CYP27A1: variants seen among roughly 807,000 people sequenced by gnomAD.
CYP27A1 encodes sterol 26-hydroxylase, mitochondrial.
In CYP27A1, 46 loss-of-function variants were observed where a neutral mutation model predicts 58.2. That is an observed-to-expected ratio of 0.79 (90% CI 0.62 to 1.01). CYP27A1 has a LOEUF of 1.01. Ranked by LOEUF, CYP27A1 falls within the 50% of genes least tolerant of loss-of-function variation. The probability of loss-of-function intolerance (pLI) is 0.00; values close to 1 mark genes in which losing one functional copy is unlikely to be tolerated. For missense variants in CYP27A1, 704 were observed against 687.0 expected, an observed-to-expected ratio of 1.02 and a Z score of -0.28; for synonymous variants, 274 against 285.1, an observed-to-expected ratio of 0.96 and a Z score of 0.39.
intron 1 of CYP27A1, among the ~76,000 whole-genome samples, chr2:218,795,604 C>A (rs1288081962): frequency 6.6e-6 from 1 of 152,112 alleles, no homozygotes; most frequent in Admixed American, 6.5e-5. Flanking sequence ...GAATATTGAC[C>A]CAGATTTTTA....
At chr2:218,808,853 T>C (rs374208558) in intron 1 of CYP27A1, among the ~76,000 whole-genome samples, 5 of 152,338 alleles carry the variant, frequency 3.3e-5, no homozygotes, top group African/African-American at 1.2e-4. Flanking sequence ...AGGCCGTGGA[T>C]ATCTATCGTC....
intron 1 of CYP27A1, among the ~76,000 whole-genome samples, chr2:218,808,914 C>T (rs1375315609): frequency 6.6e-6 from 1 of 152,152 alleles, no homozygotes; most frequent in Non-Finnish European, 1.5e-5. Flanking sequence ...TATTACATAA[C>T]ATGGCCAGTA....
chr2:218,803,722 CTTTTTTTTTTTTTTTTTTT>C (rs71040407), intron 1 of CYP27A1, among the ~76,000 whole-genome samples: 10 of 57,752 alleles, frequency 1.7e-4, no homozygotes, highest in African/African-American at 7.6e-4. Context: ...GTGCCCCCGT[CTTTTTTTTTTTTTTTTTTT>C]TTTTTTTTTA....
intron 1 of CYP27A1, among the ~76,000 whole-genome samples, chr2:218,787,046 C>T (rs1943447414): frequency 6.6e-6 from 1 of 152,180 alleles, no homozygotes; most frequent in South Asian, 2.1e-4. Context: ...CCACTTTGGC[C>T]TCCCAAAGTA....
chr2:218,789,552 G>A (rs746881834), intron 1 of CYP27A1, among the ~76,000 whole-genome samples: 13 of 152,202 alleles, frequency 8.5e-5, no homozygotes, highest in Non-Finnish European at 1.9e-4. Context: ...TGAACAGTTG[G>A]CCACCTCTGA....
intron 1 of CYP27A1, among the ~76,000 whole-genome samples, chr2:218,802,143 C>T (rs993330386): frequency 2.6e-5 from 4 of 151,978 alleles, no homozygotes; most frequent in African/African-American, 9.7e-5. Flanking sequence ...TAAGAACAAT[C>T]GGAATTAGTT....
In CYP27A1 at chr2:218,814,465, G is replaced by T; in HGVS notation, c.1263+7G>T. 6.2e-7 allele frequency: 1 copy of T among 1,614,138 alleles called. No individual in the cohort carries two copies. On this transcript the variant is annotated splice_region_variant and intron_variant, in intron 7 of 8. Coordinates refer to ENST00000258415, the MANE Select transcript of CYP27A1 (RefSeq NM_000784.4). ...CTTCCTCTTCCCCAAGAACGTGAGT[G>T]GGGCTAGAGAGCCCGATTGCCCAGG... is the stretch of plus-strand genomic sequence containing the variant.
At chr2:218,788,702 TCC>T (rs1421692913) in intron 1 of CYP27A1, among the ~76,000 whole-genome samples, 2 of 152,248 alleles carry the variant, frequency 1.3e-5, no homozygotes, top group East Asian at 3.8e-4. Flanking sequence ...ATTATCTCTC[TCC>T]CTTGGACTGT....
chr2:218,814,376 G>A lies in CYP27A1; in HGVS notation c.1185-4G>A, dbSNP rs776459243. ...GCAGACTCCAGACATTCTTTTCCCT[G>A]CAGTCTCTACCCTGTGGTCCCCACA... On this transcript the variant is annotated splice_region_variant and splice_polypyrimidine_tract_variant and intron_variant, in intron 6 of 8. Transcript: ENST00000258415. The A allele has an allele frequency of 1.2e-6, 2 of 1,613,870 alleles. No homozygotes were observed. The highest frequency in any genetic ancestry group is 8.5e-7 in the Non-Finnish European group (1 of 1,179,832).
chr2:218,814,657 G>A lies in CYP27A1; in HGVS notation c.1376G>A (p.Arg459Lys). 2 of 1,614,218 alleles carry A rather than the reference G, an allele frequency of 1.2e-6. No homozygotes were observed. The highest frequency in any genetic ancestry group is 1.7e-6 in the Non-Finnish European group (2 of 1,180,030). The change falls in exon 8 of 9, where the codon AGG becomes AAG. Residue 459 changes from arginine to lysine, a missense_variant. Coordinates refer to ENST00000258415, the MANE Select transcript of CYP27A1 (RefSeq NM_000784.4). ...WLRNSQPATP[R>K]IQHPFGSVPF... ...AGAAACAGCCAGCCTGCTACCCCCA[G>A]GATCCAGCACCCATTTGGCTCTGTG... is the stretch of plus-strand genomic sequence containing the variant.
At chr2:218,800,249 A>G (rs1056555648) in intron 1 of CYP27A1, among the ~76,000 whole-genome samples, 4 of 152,062 alleles carry the variant, frequency 2.6e-5, no homozygotes, top group African/African-American at 9.7e-5. Context: ...TCGGTGTTCC[A>G]GGAGGATCAC....
intron 1 of CYP27A1, among the ~76,000 whole-genome samples, chr2:218,786,311 C>A (rs576024031): frequency 1.3e-3 from 195 of 152,312 alleles, no homozygotes; most frequent in Non-Finnish European, 2.4e-3. Context: ...ATTAGGGTCC[C>A]TCCCACCCAA....
chr2:218,805,431 A>G (rs1340257928), intron 1 of CYP27A1, among the ~76,000 whole-genome samples: 1 of 152,224 alleles, frequency 6.6e-6, no homozygotes, highest in Non-Finnish European at 1.5e-5. Flanking sequence ...AAGAAGTATG[A>G]CATGGTTTTC....
At position 218,806,363 on chromosome 2, in the gene CYP27A1, C is replaced by G. The variant is rs202171185; in HGVS notation, c.256-3214C>G. On this transcript the variant is annotated intron_variant, in intron 1 of 8. Transcript: ENST00000258415. ...TTCTCAATCTATGGTGATTTCATCC[C>G]CCAGGGGACATTTTGGAAATGTCTA... 3.3e-5 allele frequency among the ~76,000 whole-genome samples: 5 copies of G among 152,250 alleles called. No homozygotes were observed. The East Asian group carries it at 9.6e-4, about 29-fold the overall frequency.
intron 1 of CYP27A1, among the ~76,000 whole-genome samples, chr2:218,803,481 A>T (rs1169562883): frequency 6.6e-6 from 1 of 152,074 alleles, no homozygotes; most frequent in Non-Finnish European, 1.5e-5. Context: ...GCTGGAGTGC[A>T]GTAGTGCGAT....
At chr2:218,791,648 AC>A (rs1943494649) in intron 1 of CYP27A1, among the ~76,000 whole-genome samples, 1 of 152,054 alleles carries the variant, frequency 6.6e-6, no homozygotes, top group African/African-American at 2.4e-5. Context: ...ATGTGGAGGG[AC>A]CCTTCTGAGT....
chr2:218,786,766 G>A (rs1164913455), intron 1 of CYP27A1, among the ~76,000 whole-genome samples: 1 of 151,648 alleles, frequency 6.6e-6, no homozygotes, highest in Non-Finnish European at 1.5e-5. Context: ...GTACATATGT[G>A]TCATTTTATG....
chr2:218,815,229 C>T lies in CYP27A1; in HGVS notation c.*199C>T. On this transcript the variant is annotated 3_prime_UTR_variant, in exon 9 of 9. Coordinates refer to ENST00000258415, the MANE Select transcript of CYP27A1 (RefSeq NM_000784.4). ...CAACTCCCTCTCAGCTAAAAGGCCA[C>T]CCCTTTATCGCATTGCTGTCCTTGG... is the stretch of plus-strand genomic sequence containing the variant. The T allele has an allele frequency of 4.9e-6, 3 of 615,304 alleles. No homozygotes were observed. The highest frequency in any genetic ancestry group is 3.8e-5 in the South Asian group (2 of 52,848). 38.1% of individuals were successfully genotyped at this position (615,304 alleles called of 1,614,324 possible). A position where few individuals can be genotyped will look rare whatever the true frequency, so the allele number is the denominator to read the frequency against.
rs532726632 is a variant in CYP27A1 at position 218,782,746 on chromosome 2, G to A, written c.255+309G>A. Reference sequence around the variant, plus strand: ...CTGTCTTGGGAAGAGAGTGGCAGAGGCAAATGTGTAAGCTAACGGATATTA... The same window carrying A: ...CTGTCTTGGGAAGAGAGTGGCAGAGACAAATGTGTAAGCTAACGGATATTA... On this transcript the variant is annotated intron_variant, in intron 1 of 8. Coordinates refer to ENST00000258415, the MANE Select transcript of CYP27A1 (RefSeq NM_000784.4). The surrounding 1 kb of genome is among the most constrained non-coding windows in gnomAD (Gnocchi z 4.1). Among the ~76,000 whole-genome samples, 6 of 152,244 alleles carry A rather than the reference G, an allele frequency of 3.9e-5. No individual in the cohort carries two copies. Among genetic ancestry groups the A allele is most frequent in the Admixed American group, 2.6e-4 (4 of 15,288 alleles).
Sources: gnomAD v4.1 joint callset for allele counts (sites outside exome capture counted in the v4.1 genomes callset) on GRCh38, gnomAD v4.1.1 for gene constraint, Gnocchi (gnomAD v3.1) non-coding constraint, MANE v1.5 for transcripts, NCBI Gene and HGNC (gene_info 2026-07-23, HGNC 2026-07-21) for gene names.